The following RPS6KA5 variants were observed in gnomAD, a reference collection of about 807,000 sequenced individuals.
RPS6KA5 encodes ribosomal protein S6 kinase alpha-5.
Under a neutral mutation model 85.5 loss-of-function variants are expected in RPS6KA5, and 27 were observed. The observed-to-expected ratio is 0.32, with a 90% CI of 0.23 to 0.44. RPS6KA5 has a LOEUF of 0.44. Ranked by LOEUF, RPS6KA5 falls within the 20% of genes least tolerant of loss-of-function variation. RPS6KA5 has a pLI of 1.00. For missense variants in RPS6KA5, 811 were observed against 980.9 expected (o/e 0.83, Z 2.31); for synonymous variants, 334 against 348.2 (o/e 0.96, Z 0.46).
intron 5 of RPS6KA5, among the ~76,000 whole-genome samples, chr14:90,935,961 T>C (rs942246087): frequency 6.8e-6 from 1 of 146,654 alleles, no homozygotes; most frequent in Non-Finnish European, 1.6e-5. Flanking sequence ...CAACACTTTT[T>C]TTAACTGTCT....
intron 1 of RPS6KA5, among the ~76,000 whole-genome samples, chr14:91,015,860 T>C (rs1348320487): frequency 6.6e-6 from 1 of 152,236 alleles, no homozygotes; most frequent in Non-Finnish European, 1.5e-5. Flanking sequence ...TATAATCTAA[T>C]ACTATGAAAA....
intron 7 of RPS6KA5, 42 bp from the exon 8 acceptor site, chr14:90,906,341 C>CAAAAAAAAAAAA (rs60178849): frequency 1.0e-6 from 1 of 992,162 alleles, no homozygotes; most frequent in Non-Finnish European, 1.4e-6. Context: ...AACAGGATGA[C>CAAAAAAAAAAAA]AAAAAAAAAA....
Position 90,900,608 on chromosome 14 carries a change from T to G in RPS6KA5, c.1245+3A>C. 6.2e-7 allele frequency: 1 copy of G among 1,612,446 alleles called. No individual in the cohort carries two copies. The stretch of plus-strand genomic sequence containing the variant: ...TGTCATATAAGTTACCACATCTATA[T>G]ACCTTCATCATTGCACTCCTGGCAA... On this transcript the variant is annotated splice_donor_region_variant and intron_variant, in intron 10 of 16. Transcript: ENST00000614987.
rs150011034 is a variant in RPS6KA5 at position 90,874,935 on chromosome 14, G to T, written c.1996+266C>A. Among the ~76,000 whole-genome samples, 769 of 152,244 alleles carry T rather than the reference G, an allele frequency of 5.1e-3. 10 individuals carry two copies. The highest frequency in any genetic ancestry group is 0.018 in the African/African-American group (735 of 41,538). The stretch of plus-strand genomic sequence containing the variant: ...GAGGAGGAGCGTGTTTGGGGGGAAG[G>T]ACAGTCAAAAAGTATTGGTTTGTTT... On this transcript the variant is annotated intron_variant, in intron 15 of 16. Transcript: ENST00000614987.
At position 90,856,141 on chromosome 14, in the gene RPS6KA5, C is replaced by T. The variant is rs182867205; in HGVS notation, c.*15933G>A. ...GAAAAGTATGATTCCCAAGGAGGTT[C>T]CCTTTCTCTGTTAAGCTGGAACTTT... On this transcript the variant is annotated 3_prime_UTR_variant, in exon 17 of 17. Coordinates refer to ENST00000614987, the MANE Select transcript of RPS6KA5 (RefSeq NM_004755.4). The T allele has an allele frequency of 6.6e-6, 1 of 152,236 alleles. No individual in the cohort carries two copies. Among genetic ancestry groups the T allele is most frequent in the African/African-American group, 2.4e-5 (1 of 41,448 alleles). 9.4% of individuals were successfully genotyped at this position (152,236 alleles called of 1,614,324 possible).
intron 1 of RPS6KA5, among the ~76,000 whole-genome samples, chr14:91,003,885 C>A (rs1196911018): frequency 1.3e-5 from 2 of 152,116 alleles, no homozygotes; most frequent in Non-Finnish European, 2.9e-5. Context: ...TTGGAATTTT[C>A]TTGCTTAAGA....
chr14:90,956,923 T>A (rs2038543793), intron 3 of RPS6KA5, among the ~76,000 whole-genome samples: 1 of 151,662 alleles, frequency 6.6e-6, no homozygotes. Flanking sequence ...AAATACATAC[T>A]TGTAGTTTGT....
Position 90,876,849 on chromosome 14 carries a change from G to A in RPS6KA5, c.1837-1489C>T, listed in dbSNP as rs182868807. ...AGACATGGAAGCCACAGGATGTTCC[G>A]GTGATCTAGAAACAATATGCCATCT... On this transcript the variant is annotated intron_variant, in intron 14 of 16. Transcript: ENST00000614987. 3.2e-4 allele frequency among the ~76,000 whole-genome samples: 48 copies of A among 152,264 alleles called. No homozygotes were observed. In the East Asian group the frequency reaches 8.1e-3, roughly 26 times the overall value.
intron 1 of RPS6KA5, among the ~76,000 whole-genome samples, chr14:91,023,586 C>T (rs543757775): frequency 6.6e-6 from 1 of 152,212 alleles, no homozygotes; most frequent in South Asian, 2.1e-4. Context: ...TGCCCAACCT[C>T]AAACTTTGTT....
chr14:90,979,743 C>G (rs775716803), intron 2 of RPS6KA5, among the ~76,000 whole-genome samples: 1 of 152,376 alleles, frequency 6.6e-6, no homozygotes, highest in South Asian at 2.1e-4. Flanking sequence ...CTAAACATAT[C>G]GATTCACTTA....
chr14:90,898,939 G>C (rs1379647328), intron 12 of RPS6KA5, among the ~76,000 whole-genome samples: 1 of 152,136 alleles, frequency 6.6e-6, no homozygotes, highest in African/African-American at 2.4e-5. Context: ...TTTTACTCTA[G>C]AAGTGAAAGG....
intron 2 of RPS6KA5, among the ~76,000 whole-genome samples, chr14:90,984,888 T>C (rs1483029679): frequency 6.6e-6 from 1 of 152,240 alleles, no homozygotes; most frequent in Non-Finnish European, 1.5e-5. Context: ...AAACTTATCT[T>C]TCATTTTATT....
At chr14:90,963,828 T>A (rs2038927695) in intron 3 of RPS6KA5, among the ~76,000 whole-genome samples, 1 of 152,146 alleles carries the variant, frequency 6.6e-6, no homozygotes, top group Non-Finnish European at 1.5e-5. Flanking sequence ...AGTTACTACT[T>A]AAGTGAAACA....
chr14:91,039,094 G>T (rs772391206), intron 1 of RPS6KA5, among the ~76,000 whole-genome samples: 1 of 152,078 alleles, frequency 6.6e-6, no homozygotes, highest in Non-Finnish European at 1.5e-5. Flanking sequence ...TACCATTCAA[G>T]TCCTAGAGCT....
At chr14:90,998,105 C>T (rs2040611171) in intron 2 of RPS6KA5, among the ~76,000 whole-genome samples, 1 of 151,376 alleles carries the variant, frequency 6.6e-6, no homozygotes, top group Non-Finnish European at 1.5e-5. Context: ...AGCTGGTCAC[C>T]AGGGACTACA....
chr14:91,009,142 T>C (rs1299940012), intron 1 of RPS6KA5, among the ~76,000 whole-genome samples: 2 of 152,168 alleles, frequency 1.3e-5, no homozygotes, highest in Admixed American at 6.5e-5. Context: ...CTCCTCAAAA[T>C]TGTATGTTGA....
At chr14:90,946,884 T>C (rs1251064065) in intron 4 of RPS6KA5, among the ~76,000 whole-genome samples, 1 of 152,220 alleles carries the variant, frequency 6.6e-6, no homozygotes, top group Non-Finnish European at 1.5e-5. Flanking sequence ...GTCACAGACA[T>C]GAATTCCATT....
intron 5 of RPS6KA5, among the ~76,000 whole-genome samples, chr14:90,930,099 T>TGGCCTCAAGCGATCCTCC (rs1188136197): frequency 1.3e-5 from 2 of 152,208 alleles, no homozygotes; most frequent in Admixed American, 1.3e-4. Context: ...CTTGAACTCT[T>TGGCCTCAAGCGATCCTCC]GGCCTCAAGC....
At position 90,985,238 on chromosome 14, in the gene RPS6KA5, C is replaced by T. The variant is rs543637818; in HGVS notation, c.176-6714G>A. ...GATTACAGGTGTGAGCCACTGCGCC[C>T]GGCCGCCTTTAATTTTTACATTAAA... On this transcript the variant is annotated intron_variant, in intron 2 of 16. Coordinates refer to ENST00000614987, the MANE Select transcript of RPS6KA5 (RefSeq NM_004755.4). Among the ~76,000 whole-genome samples, 4 of 152,266 alleles carry T rather than the reference C, an allele frequency of 2.6e-5. 1 individual carries two copies. The East Asian group carries it at 7.7e-4, about 29-fold the overall frequency.
Sources: allele counts gnomAD v4.1 joint callset (sites outside exome capture counted in the v4.1 genomes callset), GRCh38; gene constraint gnomAD v4.1.1; transcripts MANE v1.5; gene names NCBI Gene and HGNC (gene_info 2026-07-23, HGNC 2026-07-21).